Variants in TRPM6 observed in about 807,000 individuals in gnomAD.
TRPM6 encodes the protein channel kinase 2.
Under a neutral mutation model 247.6 loss-of-function variants are expected in TRPM6, and 111 were observed. The observed-to-expected ratio is 0.45, with a 90% confidence interval of 0.38 to 0.52. The LOEUF (loss-of-function observed/expected upper bound fraction) is 0.52, where lower values mean the gene tolerates loss of function less well. Among genes scored for constraint, TRPM6 ranks in the 20% least tolerant of loss-of-function variants. The pLI is 0.00. For synonymous variants in TRPM6, 892 were observed against 853.8 expected (o/e 1.04, Z -0.78); for missense variants, 2,126 against 2,421.5 (o/e 0.88, Z 2.56).
chr9:74,724,822 G>C, intron 38 of TRPM6, 76 bp from the exon 39 acceptor site: 1 of 1,591,356 alleles, frequency 6.3e-7, no homozygotes, highest in Non-Finnish European at 8.6e-7. Flanking sequence ...TGGGACTTTA[G>C]GCTTTGCCAA....
chr9:74,804,615 G>A (rs1828469193), intron 14 of TRPM6: 1 of 748,624 alleles, frequency 1.3e-6, no homozygotes, highest in African/African-American at 1.7e-5. Context: ...TACTCAGCCT[G>A]AGGTTACAAA....
intron 19 of TRPM6, among the ~76,000 whole-genome samples, chr9:74,790,750 C>T (rs569622261): frequency 3.3e-5 from 5 of 152,266 alleles, no homozygotes; most frequent in East Asian, 1.9e-4. Context: ...TACAACTATA[C>T]GAATCTGGAA....
chr9:74,749,814 A>C (rs1240283945), intron 30 of TRPM6, among the ~76,000 whole-genome samples: 1 of 152,322 alleles, frequency 6.6e-6, no homozygotes. Context: ...GTGTCCTTTA[A>C]GTCTGGAGGC....
chr9:74,807,234 C>T (rs1418425786), intron 14 of TRPM6, among the ~76,000 whole-genome samples: 1 of 152,156 alleles, frequency 6.6e-6, no homozygotes, highest in Non-Finnish European at 1.5e-5. Flanking sequence ...CCCCAAACTG[C>T]CTTTCCAGTC....
intron 7 of TRPM6, among the ~76,000 whole-genome samples, chr9:74,822,929 G>A (rs1829182204): frequency 6.6e-6 from 1 of 151,974 alleles, no homozygotes; most frequent in Admixed American, 6.6e-5. Flanking sequence ...AGAAAATTCT[G>A]GAAGGATACA....
At chr9:74,826,177 C>T (rs1205771599) in intron 7 of TRPM6, among the ~76,000 whole-genome samples, 2 of 152,196 alleles carry the variant, frequency 1.3e-5, no homozygotes, top group African/African-American at 2.4e-5. Context: ...TAATATACAT[C>T]TTCTCAATTA....
At chr9:74,810,433 G>C (rs1342649973) in intron 13 of TRPM6, among the ~76,000 whole-genome samples, 2 of 152,108 alleles carry the variant, frequency 1.3e-5, no homozygotes, top group African/African-American at 4.8e-5. Flanking sequence ...AAAAACAATG[G>C]AAATCACATA....
At chr9:74,837,968 C>T (rs765941679) in intron 5 of TRPM6, among the ~76,000 whole-genome samples, 10 of 151,998 alleles carry the variant, frequency 6.6e-5, no homozygotes, top group East Asian at 3.9e-4. Flanking sequence ...AGGGTGGTCT[C>T]GAACTCCTGA....
intron 27 of TRPM6, among the ~76,000 whole-genome samples, chr9:74,755,779 G>T (rs1000977249): frequency 1.3e-5 from 2 of 152,148 alleles, no homozygotes; most frequent in Admixed American, 1.3e-4. Flanking sequence ...CCCACCTCTG[G>T]AATCTCTAAT....
At chr9:74,867,058 A>G (rs1830867331) in intron 1 of TRPM6, among the ~76,000 whole-genome samples, 1 of 152,206 alleles carries the variant, frequency 6.6e-6, no homozygotes, top group Non-Finnish European at 1.5e-5. Flanking sequence ...ATGTCTGGCT[A>G]AAGATGGCTA....
At chr9:74,777,557 T>C (rs1046431080) in intron 23 of TRPM6, among the ~76,000 whole-genome samples, 1 of 152,186 alleles carries the variant, frequency 6.6e-6, no homozygotes, top group Non-Finnish European at 1.5e-5. Context: ...TGCTACTCCT[T>C]CTACTAAAAT....
chr9:74,859,571 G>A (rs148122656), intron 1 of TRPM6, among the ~76,000 whole-genome samples: 3,060 of 152,198 alleles, frequency 0.02, 39 homozygotes, highest in Non-Finnish European at 0.03. Flanking sequence ...TCAGGAGTTC[G>A]AGACCAGCCT....
intron 7 of TRPM6, among the ~76,000 whole-genome samples, chr9:74,822,884 C>A (rs2118010127): frequency 6.6e-6 from 1 of 152,042 alleles, no homozygotes; most frequent in East Asian, 1.9e-4. Context: ...TATATATGCA[C>A]ATACCTGTAT....
intron 6 of TRPM6, among the ~76,000 whole-genome samples, chr9:74,829,447 G>A (rs2118077385): frequency 6.6e-6 from 1 of 152,294 alleles, no homozygotes; most frequent in East Asian, 1.9e-4. Context: ...AATATTTAGA[G>A]TAAGAAAGCC....
chr9:74,747,972 C>T, intron 30 of TRPM6, 58 bp from the exon 31 acceptor site: 1 of 1,513,578 alleles, frequency 6.6e-7, no homozygotes, highest in African/African-American at 1.4e-5. Context: ...TTACAGTTAT[C>T]AAAAAAAGGA....
intron 17 of TRPM6, chr9:74,800,016 C>T: frequency 1.9e-6 from 1 of 540,276 alleles, no homozygotes; most frequent in Non-Finnish European, 3.4e-6. Flanking sequence ...TGCATCCCTC[C>T]CAAAGCTGCA....
rs531314591 is a variant in TRPM6 at position 74,808,607 on chromosome 9, T to C, written c.1498-433A>G. The stretch of plus-strand genomic sequence containing the variant: ...GAGAGTTTTTTAACTAGAAATAATA[T>C]AGCTACTCCAACAGAAGTAAAATCT... On this transcript the variant is annotated intron_variant, in intron 13 of 38. Coordinates refer to ENST00000360774, the MANE Select transcript of TRPM6 (RefSeq NM_017662.5). Among the ~76,000 whole-genome samples the C allele has an allele frequency of 1.4e-4, 22 of 152,286 alleles. No individual in the cohort carries two copies. In the South Asian group the frequency reaches 1.7e-3, roughly 11 times the overall value.
At chr9:74,760,501 TCAC>T (rs1434637686) in intron 27 of TRPM6, among the ~76,000 whole-genome samples, 3 of 152,204 alleles carry the variant, frequency 2.0e-5, no homozygotes, top group African/African-American at 7.2e-5. Flanking sequence ...CATGATGAAA[TCAC>T]CTAATGACAC....
intron 11 of TRPM6, among the ~76,000 whole-genome samples, chr9:74,815,781 G>A (rs1475193139): frequency 6.6e-6 from 1 of 152,182 alleles, no homozygotes; most frequent in African/African-American, 2.4e-5. Context: ...GATTAGCAGG[G>A]CAGAGAACTA....
Sources: gnomAD v4.1 joint callset for allele counts (sites outside exome capture counted in the v4.1 genomes callset) on GRCh38, gnomAD v4.1.1 for gene constraint, MANE v1.5 for transcripts, NCBI Gene and HGNC (gene_info 2026-07-23, HGNC 2026-07-21) for gene names.